MLLT10: variants seen among roughly 807,000 people sequenced by gnomAD.
The protein encoded by MLLT10 is MLLT10 histone lysine methyltransferase DOT1L cofactor, also known as protein AF-10.
Under a neutral mutation model 129.1 loss-of-function variants are expected in MLLT10, and 30 were observed. That is an observed-to-expected ratio of 0.23 (90% CI 0.17 to 0.32). The LOEUF (loss-of-function observed/expected upper bound fraction) is 0.32, where lower values mean the gene tolerates loss of function less well. Among genes scored for constraint, MLLT10 ranks in the 10% least tolerant of loss-of-function variants. The probability of loss-of-function intolerance (pLI) is 1.00; values close to 1 mark genes in which losing one functional copy is unlikely to be tolerated. For missense variants in MLLT10, 1,119 were observed against 1,268.3 expected (o/e 0.88, Z 1.79); for synonymous variants, 490 against 446.4 (o/e 1.10, Z -1.23).
intron 4 of MLLT10, among the ~76,000 whole-genome samples, chr10:21,588,177 C>A (rs191862741): frequency 6.6e-6 from 1 of 152,304 alleles, no homozygotes; most frequent in East Asian, 1.9e-4. Context: ...AGCGATTCTC[C>A]TGCCTCAGCC....
intron 3 of MLLT10, among the ~76,000 whole-genome samples, chr10:21,549,259 G>A (rs57375786): frequency 0.028 from 4,216 of 152,052 alleles, 199 homozygotes; most frequent in African/African-American, 0.095. Context: ...CAGTAGCTGG[G>A]ATTATAGGCA....
Position 21,673,750 on chromosome 10 carries a change from C to T in MLLT10, c.1452C>T (p.Asn484=), listed in dbSNP as rs1256162971. The change falls in exon 11 of 23, where the codon AAC becomes AAT. Residue 484 remains asparagine (N), a synonymous_variant. Coordinates refer to ENST00000307729, the MANE Select transcript of MLLT10 (RefSeq NM_001195626.3). ...SKHGPGRPKG[N]KNQENVSHLS... ...ATGGGCCTGGCAGACCCAAAGGAAA[C>T]AAAAATCAAGAGAATGTTTCTCATC... The T allele has an allele frequency of 2.5e-6, 4 of 1,613,980 alleles. No homozygotes were observed. Among genetic ancestry groups the T allele is most frequent in the Non-Finnish European group, 2.5e-6 (3 of 1,179,968 alleles).
chr10:21,697,909 C>T (rs1237005026), intron 13 of MLLT10, among the ~76,000 whole-genome samples: 1 of 152,132 alleles, frequency 6.6e-6, no homozygotes. Flanking sequence ...TTTAAAGATG[C>T]TTGCTTATTT....
chr10:21,627,636 T>C (rs942019597), intron 8 of MLLT10, among the ~76,000 whole-genome samples: 1 of 152,220 alleles, frequency 6.6e-6, no homozygotes, highest in African/African-American at 2.4e-5. Flanking sequence ...AAAAAGGGGT[T>C]TGTAGCCATA....
intron 13 of MLLT10, among the ~76,000 whole-genome samples, chr10:21,702,334 T>A (rs566927305): frequency 7.0e-4 from 107 of 152,344 alleles, no homozygotes; most frequent in Non-Finnish European, 1.2e-3. Flanking sequence ...ATTTTGATTT[T>A]TAAAGATTTG....
chr10:21,726,873 A>G (rs2057556620), intron 15 of MLLT10, among the ~76,000 whole-genome samples: 2 of 152,086 alleles, frequency 1.3e-5, no homozygotes, highest in Non-Finnish European at 2.9e-5. Flanking sequence ...TGCATAATTC[A>G]TGAAATTGTA....
chr10:21,630,782 G>C (rs1328902158), intron 8 of MLLT10, among the ~76,000 whole-genome samples: 1 of 152,182 alleles, frequency 6.6e-6, no homozygotes, highest in African/African-American at 2.4e-5. Flanking sequence ...CACTTTACAA[G>C]TACAGTAAGA....
chr10:21,701,911 T>TTCTCGTCTCG (rs559249879), intron 13 of MLLT10, among the ~76,000 whole-genome samples: 111 of 150,366 alleles, frequency 7.4e-4, no homozygotes, highest in East Asian at 1.4e-3. Flanking sequence ...TTCTCTTCTC[T>TTCTCGTCTCG]TCTCGTCTCG....
Position 21,651,784 on chromosome 10 carries a change from C to T in MLLT10, c.795+16C>T, listed in dbSNP as rs1213921112. 3.2e-6 allele frequency: 5 copies of T among 1,560,346 alleles called. No individual in the cohort carries two copies. The Admixed American group carries it at 5.2e-5, about 16-fold the overall frequency. On this transcript the variant is annotated intron_variant, in intron 9 of 22. Coordinates refer to ENST00000307729, the MANE Select transcript of MLLT10 (RefSeq NM_001195626.3). ...TACAGAAAAAGTAAGTTTTAAGTAT[C>T]ATATTTTGTTTTATGTAATAAGTAG... is the stretch of plus-strand genomic sequence containing the variant.
At chr10:21,624,789 G>T in intron 8 of MLLT10, 1 of 1,084,728 alleles carries the variant, frequency 9.2e-7, no homozygotes, top group South Asian at 1.4e-5. Context: ...GTCCTACATT[G>T]TCCCCTGATT....
intron 8 of MLLT10, among the ~76,000 whole-genome samples, chr10:21,650,854 T>C (rs1178062453): frequency 6.6e-6 from 1 of 152,222 alleles, no homozygotes; most frequent in Non-Finnish European, 1.5e-5. Flanking sequence ...TTGTTAGAGA[T>C]AACTAATTCA....
intron 2 of MLLT10, among the ~76,000 whole-genome samples, chr10:21,535,066 CGGCGGGGCGG>C (rs922835427): frequency 7.9e-6 from 1 of 127,028 alleles, no homozygotes. Context: ...TCTGCTGACT[CGGCGGGGCGG>C]GGCGGGGCAG....
rs371650387 is a variant in MLLT10, at chr10:21,707,426, C to T, written c.1700-6346C>T. On this transcript the variant is annotated intron_variant, in intron 13 of 22. Coordinates refer to ENST00000307729, the MANE Select transcript of MLLT10 (RefSeq NM_001195626.3). Reference sequence around the variant, plus strand: ...CAGGATGGTCTCGATCTCCTGACCTCGTGATCCGCCCGTCTCGGCCTCCCA... The same window carrying T: ...CAGGATGGTCTCGATCTCCTGACCTTGTGATCCGCCCGTCTCGGCCTCCCA... Among the ~76,000 whole-genome samples, 6 of 151,948 alleles carry T rather than the reference C, an allele frequency of 3.9e-5. No individual in the cohort carries two copies. In the East Asian group the frequency reaches 9.8e-4, roughly 25 times the overall value.
rs1332538521 is a variant in MLLT10, at chr10:21,743,476, G to A, written c.*1493G>A. 2.1e-5 allele frequency: 4 copies of A among 190,722 alleles called. No individual in the cohort carries two copies. The highest frequency in any genetic ancestry group is 9.3e-5 in the African/African-American group (4 of 42,960). 11.8% of individuals were successfully genotyped at this position (190,722 alleles called of 1,614,324 possible). A position where few individuals can be genotyped will look rare whatever the true frequency, so the allele number is the denominator to read the frequency against. ...GTAGATAATTTAAAAAATCAGTGTG[G>A]TTTATTTTACTTATTTAACCCACTG... is the stretch of plus-strand genomic sequence containing the variant. On this transcript the variant is annotated 3_prime_UTR_variant, in exon 23 of 23. Transcript: ENST00000307729.
chr10:21,692,358 C>G (rs1027056022), intron 13 of MLLT10, among the ~76,000 whole-genome samples: 4 of 151,786 alleles, frequency 2.6e-5, no homozygotes, highest in Non-Finnish European at 5.9e-5. Context: ...TTTAATCAAT[C>G]AGTGTCTTGC....
chr10:21,555,738 G>C (rs1032274220), intron 3 of MLLT10, among the ~76,000 whole-genome samples: 9 of 150,284 alleles, frequency 6.0e-5, no homozygotes, highest in African/African-American at 2.2e-4. Context: ...TGTGATCTTG[G>C]GTCGCCACAA....
chr10:21,562,697 G>A lies in MLLT10; in HGVS notation c.241-23597G>A, dbSNP rs1444206815. On this transcript the variant is annotated intron_variant, in intron 3 of 22. Coordinates refer to ENST00000307729, the MANE Select transcript of MLLT10 (RefSeq NM_001195626.3). Reference sequence around the variant, plus strand: ...CATTAAGGTATTACAATCCAAGAACGTGAAATGTCTTTCCATTTATTTATA... The same window carrying A: ...CATTAAGGTATTACAATCCAAGAACATGAAATGTCTTTCCATTTATTTATA... Among the ~76,000 whole-genome samples, 7 of 151,588 alleles carry A rather than the reference G, an allele frequency of 4.6e-5. No individual in the cohort carries two copies. The South Asian group carries it at 8.3e-4, about 18-fold the overall frequency.
intron 4 of MLLT10, among the ~76,000 whole-genome samples, chr10:21,587,737 T>C: frequency 6.6e-6 from 1 of 152,122 alleles, no homozygotes; most frequent in East Asian, 1.9e-4. Context: ...AAGGGAAAAA[T>C]AGAATGATTT....
At chr10:21,565,381 C>T (rs1206127933) in intron 3 of MLLT10, among the ~76,000 whole-genome samples, 1 of 152,108 alleles carries the variant, frequency 6.6e-6, no homozygotes, top group East Asian at 1.9e-4. Flanking sequence ...CATCTTGGTT[C>T]ACTGCAACCT....
Sources: allele counts gnomAD v4.1 joint callset (sites outside exome capture counted in the v4.1 genomes callset), GRCh38; gene constraint gnomAD v4.1.1; transcripts MANE v1.5; gene names NCBI Gene and HGNC (gene_info 2026-07-23, HGNC 2026-07-21).